KCNH1: variants seen among roughly 807,000 people sequenced by gnomAD.
The protein encoded by KCNH1 is voltage-gated delayed rectifier potassium channel KCNH1.
A neutral mutation model predicts 69.2 loss-of-function variants in KCNH1; 27 were observed. The ratio of observed to expected loss-of-function variants is 0.39; its 90% CI spans 0.29 to 0.54. The LOEUF (loss-of-function observed/expected upper bound fraction) is 0.54. Ranked by LOEUF, KCNH1 falls within the 20% of genes least tolerant of loss-of-function variation. The pLI is 0.68. For missense variants in KCNH1, 798 were observed against 1,261.6 expected (o/e 0.63, Z 5.57); for synonymous variants, 456 against 487.7 (o/e 0.93, Z 0.86).
At chr1:210,693,338 C>CTCAAACTCTACTGTCCTAGCCAGA (rs1681564250) in intron 10 of KCNH1, among the ~76,000 whole-genome samples, 1 of 152,174 alleles carries the variant, frequency 6.6e-6, no homozygotes, top group Non-Finnish European at 1.5e-5. Flanking sequence ...TCAGAGACCC[C>CTCAAACTCTACTGTCCTAGCCAGA]TCAAACTCTA....
At chr1:210,883,301 G>T (rs1686535669) in intron 7 of KCNH1, among the ~76,000 whole-genome samples, 1 of 152,122 alleles carries the variant, frequency 6.6e-6, no homozygotes, top group Admixed American at 6.5e-5. Context: ...CTTCTTTCCT[G>T]GCTAACATAT....
chr1:210,739,215 C>T (rs1359466235), intron 10 of KCNH1, among the ~76,000 whole-genome samples: 1 of 152,108 alleles, frequency 6.6e-6, no homozygotes, highest in Admixed American at 6.5e-5. Context: ...CCTCATTTTA[C>T]TGAAAAGGAA....
At chr1:210,984,834 G>C (rs973507968) in intron 6 of KCNH1, among the ~76,000 whole-genome samples, 10 of 152,188 alleles carry the variant, frequency 6.6e-5, no homozygotes, top group African/African-American at 1.2e-4. Flanking sequence ...TTTTTCTATT[G>C]ATTGGAATAG....
chr1:210,950,948 G>A (rs1688052774), intron 6 of KCNH1, among the ~76,000 whole-genome samples: 1 of 152,200 alleles, frequency 6.6e-6, no homozygotes, highest in Non-Finnish European at 1.5e-5. Context: ...CCTTCTAGTG[G>A]GAGAAACAAA....
At chr1:211,100,683 A>G (rs1381504839) in intron 3 of KCNH1, among the ~76,000 whole-genome samples, 1 of 152,102 alleles carries the variant, frequency 6.6e-6, no homozygotes, top group African/African-American at 2.4e-5. Flanking sequence ...TTACTCCATG[A>G]GTTTGGGTGG....
chr1:210,829,960 A>G (rs1458449847), intron 7 of KCNH1, among the ~76,000 whole-genome samples: 3 of 152,198 alleles, frequency 2.0e-5, no homozygotes, highest in Non-Finnish European at 4.4e-5. Flanking sequence ...TATGTGTCTT[A>G]TCTTCTGATT....
intron 6 of KCNH1, among the ~76,000 whole-genome samples, chr1:210,949,041 A>C (rs886412634): frequency 6.6e-6 from 1 of 152,162 alleles, no homozygotes; most frequent in Non-Finnish European, 1.5e-5. Flanking sequence ...ATGGTGGGTT[A>C]GATTTGCCCT....
chr1:210,700,511 T>G (rs780028644), intron 10 of KCNH1, among the ~76,000 whole-genome samples: 16 of 152,248 alleles, frequency 1.1e-4, no homozygotes, highest in Non-Finnish European at 2.2e-4. Context: ...TCTTTCCACC[T>G]TAACCCTGTA....
chr1:210,963,153 C>CT (rs1688329609), intron 6 of KCNH1, among the ~76,000 whole-genome samples: 1 of 151,450 alleles, frequency 6.6e-6, no homozygotes, highest in East Asian at 1.9e-4. Context: ...TTTACATTAG[C>CT]TTTTTTTGGT....
chr1:210,684,003 C>T lies in KCNH1; in HGVS notation c.2248G>A (p.Ala750Thr). ...LFQRFRQQKE[A>T]RLAAERGGRD... ...CCCCCTCTCTCAGCTGCCAGCCTGG[C>T]CTCTTTCTGCTGTCGGAATCTCTGG... is the stretch of plus-strand genomic sequence containing the variant. Residue 750 changes from alanine (A) to threonine (T), a missense_variant, in exon 11 of 11, where the codon GCC becomes ACC. Ala to Thr is a moderately conservative substitution (Grantham distance 58). Coordinates refer to ENST00000271751, the MANE Select transcript of KCNH1 (RefSeq NM_172362.3). The T allele has an allele frequency of 1.9e-6, 3 of 1,597,542 alleles. No homozygotes were observed. Among genetic ancestry groups the T allele is most frequent in the Non-Finnish European group, 2.6e-6 (3 of 1,168,298 alleles).
intron 6 of KCNH1, among the ~76,000 whole-genome samples, chr1:210,964,464 C>T (rs1688360407): frequency 6.6e-6 from 1 of 152,046 alleles, no homozygotes; most frequent in Non-Finnish European, 1.5e-5. Context: ...TCAGAGAATA[C>T]TATAAACACC....
intron 7 of KCNH1, among the ~76,000 whole-genome samples, chr1:210,897,326 GC>G (rs1686890090): frequency 6.6e-6 from 1 of 152,160 alleles, no homozygotes; most frequent in Non-Finnish European, 1.5e-5. Flanking sequence ...AACTAAGTAG[GC>G]GAGGGAGATA....
intron 2 of KCNH1, 39 bp from the exon 3 acceptor site, chr1:211,103,641 A>G (rs1281307373): frequency 4.6e-6 from 6 of 1,297,838 alleles, no homozygotes; most frequent in Non-Finnish European, 6.7e-6. Flanking sequence ...ATTAAGAAGT[A>G]TTCATTATTC....
chr1:210,803,181 C>T (rs1684463583), intron 8 of KCNH1, among the ~76,000 whole-genome samples: 1 of 152,174 alleles, frequency 6.6e-6, no homozygotes, highest in Non-Finnish European at 1.5e-5. Context: ...TGGCTCGCTG[C>T]AGCCTCTGCC....
rs538240198 is a variant in KCNH1, at chr1:211,001,559, G to T, written c.1032+17224C>A. On this transcript the variant is annotated intron_variant, in intron 6 of 10. Coordinates refer to ENST00000271751, the MANE Select transcript of KCNH1 (RefSeq NM_172362.3). ...GGAGATATAGGAACACTTTTACACTGTTGGTGGGACTGTAAACTAGTTCAA... is the reference window on the plus strand; with the variant it reads ...GGAGATATAGGAACACTTTTACACTTTTGGTGGGACTGTAAACTAGTTCAA... 5.9e-5 allele frequency among the ~76,000 whole-genome samples: 9 copies of T among 152,258 alleles called. No individual in the cohort carries two copies. The East Asian group carries it at 1.5e-3, about 26-fold the overall frequency.
chr1:211,035,890 G>A (rs1689888102), intron 5 of KCNH1, among the ~76,000 whole-genome samples: 1 of 152,188 alleles, frequency 6.6e-6, no homozygotes. Context: ...ATTTCCCTGA[G>A]ACTGACCACC....
At chr1:211,091,743 G>C (rs181522733) in intron 3 of KCNH1, among the ~76,000 whole-genome samples, 1 of 152,186 alleles carries the variant, frequency 6.6e-6, no homozygotes, top group African/African-American at 2.4e-5. Flanking sequence ...CACAGAAGGA[G>C]GTAGGCAGGG....
At chr1:210,788,340 C>A (rs1409738500) in intron 9 of KCNH1, among the ~76,000 whole-genome samples, 1 of 152,066 alleles carries the variant, frequency 6.6e-6, no homozygotes, top group Non-Finnish European at 1.5e-5. Context: ...CTGCTTTTAT[C>A]CCACTTAAAG....
intron 5 of KCNH1, among the ~76,000 whole-genome samples, chr1:211,019,514 C>A (rs1036047224): frequency 6.6e-6 from 1 of 152,198 alleles, no homozygotes; most frequent in Non-Finnish European, 1.5e-5. Flanking sequence ...TTCTATTACA[C>A]CTTTGTGTAA....
Sources: gnomAD v4.1 joint callset for allele counts (sites outside exome capture counted in the v4.1 genomes callset) on GRCh38, gnomAD v4.1.1 for gene constraint, MANE v1.5 for transcripts, NCBI Gene and HGNC (gene_info 2026-07-23, HGNC 2026-07-21) for gene names.